The following KCNAB1 variants were observed in gnomAD, a reference collection of about 807,000 sequenced individuals.
The protein encoded by KCNAB1 is potassium voltage-gated channel subfamily A regulatory beta subunit 1, also known as voltage-gated potassium channel subunit beta-1.
Under a neutral mutation model 64.6 loss-of-function variants are expected in KCNAB1, and 35 were observed. The observed-to-expected ratio is 0.54, with a 90% confidence interval of 0.41 to 0.72. KCNAB1 has a LOEUF of 0.72. Ranked by LOEUF, KCNAB1 falls within the 30% of genes least tolerant of loss-of-function variation. KCNAB1 has a pLI of 0.00. For missense variants in KCNAB1, 401 were observed against 512.9 expected, an observed-to-expected ratio of 0.78 and a Z score of 2.11; for synonymous variants, 177 against 183.8, an observed-to-expected ratio of 0.96 and a Z score of 0.30.
At chr3:156,482,524 T>C (rs1372521433) in intron 8 of KCNAB1, among the ~76,000 whole-genome samples, 1 of 151,550 alleles carries the variant, frequency 6.6e-6, no homozygotes, top group Admixed American at 6.6e-5. Context: ...TTAGTTAGGA[T>C]GACCTAATAG....
At chr3:156,222,245 T>G (rs1423925223) in intron 1 of KCNAB1, among the ~76,000 whole-genome samples, 2 of 152,156 alleles carry the variant, frequency 1.3e-5, no homozygotes, top group Non-Finnish European at 2.9e-5. Context: ...AGATATTCCC[T>G]GCAAATGGAC....
intron 1 of KCNAB1, among the ~76,000 whole-genome samples, chr3:156,140,652 A>G (rs1294209184): frequency 6.6e-6 from 1 of 152,330 alleles, no homozygotes; most frequent in East Asian, 1.9e-4. Flanking sequence ...AGTACATAAC[A>G]CTAAAAAAAT....
intron 8 of KCNAB1, among the ~76,000 whole-genome samples, chr3:156,497,631 T>C (rs957532294): frequency 6.6e-5 from 10 of 152,206 alleles, no homozygotes; most frequent in African/African-American, 2.4e-4. Context: ...AGATCAGAAA[T>C]TTAAGACTTG....
intron 1 of KCNAB1, among the ~76,000 whole-genome samples, chr3:156,359,080 C>T (rs1045322015): frequency 6.6e-6 from 1 of 152,168 alleles, no homozygotes; most frequent in Admixed American, 6.5e-5. Flanking sequence ...ATGTGCCTCA[C>T]AGCACCATTC....
At chr3:156,351,183 CTTGG>C (rs982717347) in intron 1 of KCNAB1, among the ~76,000 whole-genome samples, 19 of 152,242 alleles carry the variant, frequency 1.2e-4, no homozygotes, top group African/African-American at 4.6e-4. Context: ...TTGTTATTCT[CTTGG>C]TTGGCCACAC....
chr3:156,191,475 CA>C (rs1713556022), intron 1 of KCNAB1, among the ~76,000 whole-genome samples: 1 of 152,196 alleles, frequency 6.6e-6, no homozygotes, highest in Non-Finnish European at 1.5e-5. Context: ...TTTTGTTCTT[CA>C]AACTGGCTAT....
chr3:156,194,620 T>C (rs980908963), intron 1 of KCNAB1, among the ~76,000 whole-genome samples: 1 of 152,160 alleles, frequency 6.6e-6, no homozygotes, highest in African/African-American at 2.4e-5. Context: ...ACAGTTTCCA[T>C]CAAACTGAAA....
At position 156,330,532 on chromosome 3, in the gene KCNAB1, C is replaced by G. The variant is rs115963048; in HGVS notation, c.276-91084C>G. On this transcript the variant is annotated intron_variant, in intron 1 of 13. Coordinates refer to ENST00000490337, the MANE Select transcript of KCNAB1 (RefSeq NM_172160.3). ...GCTAGGTCTTAGTTCCACTTTGAAT[C>G]ATTTCTTCTGACGTTTTCACCTTGA... is the stretch of plus-strand genomic sequence containing the variant. Among the ~76,000 whole-genome samples, 911 of 152,222 alleles carry G rather than the reference C, an allele frequency of 6.0e-3. 7 individuals carry two copies. Among genetic ancestry groups the G allele is most frequent in the African/African-American group, 0.021 (871 of 41,526 alleles).
intron 1 of KCNAB1, among the ~76,000 whole-genome samples, chr3:156,172,165 C>T (rs1213085694): frequency 1.3e-5 from 2 of 152,170 alleles, no homozygotes; most frequent in Admixed American, 1.3e-4. Context: ...TATTAAACCA[C>T]ATACTATGAG....
intron 1 of KCNAB1, among the ~76,000 whole-genome samples, chr3:156,304,631 C>A (rs1721366147): frequency 6.6e-6 from 1 of 152,118 alleles, no homozygotes; most frequent in Non-Finnish European, 1.5e-5. Flanking sequence ...GTGGAATGTC[C>A]CCCATAATTA....
intron 8 of KCNAB1, among the ~76,000 whole-genome samples, chr3:156,502,951 G>A (rs2108370525): frequency 6.6e-6 from 1 of 152,294 alleles, no homozygotes; most frequent in East Asian, 1.9e-4. Context: ...AATTTAAACT[G>A]ATGGGTTTAC....
intron 2 of KCNAB1, among the ~76,000 whole-genome samples, chr3:156,443,739 T>TACACAC (rs71141708): frequency 0.019 from 2,672 of 141,800 alleles, 59 homozygotes; most frequent in African/African-American, 0.048. Context: ...ATTTAGTCCT[T>TACACAC]ACACACACAC....
chr3:156,516,242 G>A lies in KCNAB1; in HGVS notation c.866-28G>A, dbSNP rs751918333. 10 of 1,566,524 alleles carry A rather than the reference G, an allele frequency of 6.4e-6. No homozygotes were observed. The African/African-American group carries it at 8.1e-5, about 13-fold the overall frequency. On this transcript the variant is annotated intron_variant, in intron 10 of 13. Coordinates refer to ENST00000490337, the MANE Select transcript of KCNAB1 (RefSeq NM_172160.3). ...CACCTTTTGATCCCAATTTGCACAAGCAACTTTCTAAGTTTTTTCTTCTGT... is the reference window on the plus strand; with the variant it reads ...CACCTTTTGATCCCAATTTGCACAAACAACTTTCTAAGTTTTTTCTTCTGT...
chr3:156,456,349 T>C (rs1018076228), intron 3 of KCNAB1, among the ~76,000 whole-genome samples: 1 of 152,200 alleles, frequency 6.6e-6, no homozygotes, highest in African/African-American at 2.4e-5. Flanking sequence ...CACAGGCTAA[T>C]ATAAAATAGA....
At chr3:156,357,178 C>CACACACACACACACACACAT (rs1725309910) in intron 1 of KCNAB1, among the ~76,000 whole-genome samples, 1 of 152,110 alleles carries the variant, frequency 6.6e-6, no homozygotes, top group African/African-American at 2.4e-5. Context: ...CACACACACA[C>CACACACACACACACACACAT]ACACACACCC....
chr3:156,175,332 C>T (rs941720364), intron 1 of KCNAB1, among the ~76,000 whole-genome samples: 15 of 152,054 alleles, frequency 9.9e-5, no homozygotes, highest in African/African-American at 2.2e-4. Context: ...AATACAACGT[C>T]CCTGAAGGCC....
Position 156,171,194 on chromosome 3 carries a change from TAC to T in KCNAB1, c.275+50339_275+50340del, listed in dbSNP as rs779486541. On this transcript the variant is annotated intron_variant, in intron 1 of 13. Coordinates refer to ENST00000490337, the MANE Select transcript of KCNAB1 (RefSeq NM_172160.3). ...TATAGTTAGAAACTTCACGCACACA[TAC>T]ACACACACACACACACACACACACA... is the stretch of plus-strand genomic sequence containing the variant. Among the ~76,000 whole-genome samples the T allele has an allele frequency of 8.7e-3, 1,288 of 147,542 alleles. 17 individuals carry two copies. The highest frequency in any genetic ancestry group is 0.028 in the African/African-American group (1,095 of 39,628).
intron 1 of KCNAB1, among the ~76,000 whole-genome samples, chr3:156,177,609 C>A (rs996764321): frequency 1.3e-5 from 2 of 152,062 alleles, no homozygotes; most frequent in Non-Finnish European, 1.5e-5. Context: ...GATCTCCTGA[C>A]CTCGTGATCC....
chr3:156,376,670 G>A (rs761093987), intron 1 of KCNAB1, among the ~76,000 whole-genome samples: 10 of 152,182 alleles, frequency 6.6e-5, no homozygotes, highest in African/African-American at 1.2e-4. Context: ...CCCTGAGATC[G>A]GATGACTTTC....
Sources: allele counts gnomAD v4.1 joint callset (sites outside exome capture counted in the v4.1 genomes callset), GRCh38; gene constraint gnomAD v4.1.1; transcripts MANE v1.5; gene names NCBI Gene and HGNC (gene_info 2026-07-23, HGNC 2026-07-21).